Variants in SAMD12 observed in about 807,000 individuals in gnomAD.
SAMD12 encodes the protein sterile alpha motif domain-containing protein 12.
In SAMD12, 9 loss-of-function variants were observed where a neutral mutation model predicts 15.0. The ratio of observed to expected loss-of-function variants is 0.60; its 90% CI spans 0.36 to 1.05. SAMD12 has a LOEUF of 1.05. Ranked by LOEUF, SAMD12 falls within the 50% of genes least tolerant of loss-of-function variation. The pLI, the probability that SAMD12 is intolerant of heterozygous loss-of-function variation, is 0.01. For synonymous variants in SAMD12, 86 were observed against 90.1 expected, an observed-to-expected ratio of 0.96 and a Z score of 0.25; for missense variants, 230 against 234.2, an observed-to-expected ratio of 0.98 and a Z score of 0.12.
At chr8:118,446,389 C>G (rs2130904398) in intron 2 of SAMD12, among the ~76,000 whole-genome samples, 1 of 152,230 alleles carries the variant, frequency 6.6e-6, no homozygotes, top group Non-Finnish European at 1.5e-5. Context: ...GTCCAATCCA[C>G]TTTAAGACAT....
the SAMD12 span, among the ~76,000 whole-genome samples, chr8:118,162,528 G>T: frequency 6.6e-6 from 1 of 151,906 alleles, no homozygotes. Context: ...GAGTTCATTG[G>T]AGACATATTG....
At chr8:118,476,143 A>G (rs1192460284) in intron 2 of SAMD12, among the ~76,000 whole-genome samples, 1 of 152,196 alleles carries the variant, frequency 6.6e-6, no homozygotes, top group East Asian at 1.9e-4. Flanking sequence ...CAGAGTCCAC[A>G]CTTCCTGACC....
the SAMD12 span, among the ~76,000 whole-genome samples, chr8:118,177,536 G>T: frequency 6.6e-6 from 1 of 152,056 alleles, no homozygotes; most frequent in African/African-American, 2.4e-5. Flanking sequence ...GAGCCCCTGT[G>T]CCCAGCCACC....
At chr8:118,510,738 C>T (rs927702680) in intron 2 of SAMD12, among the ~76,000 whole-genome samples, 1 of 152,200 alleles carries the variant, frequency 6.6e-6, no homozygotes, top group Non-Finnish European at 1.5e-5. Context: ...CAGTACCTCT[C>T]TACCCCCTCA....
chr8:118,179,198 G>T, the SAMD12 span, among the ~76,000 whole-genome samples: 118 of 152,242 alleles, frequency 7.8e-4, no homozygotes, highest in African/African-American at 2.7e-3. Context: ...TCCCAGTAGG[G>T]AGGCTGAGGC....
At chr8:118,507,439 C>T (rs577215691) in intron 2 of SAMD12, among the ~76,000 whole-genome samples, 3 of 151,996 alleles carry the variant, frequency 2.0e-5, no homozygotes, top group South Asian at 2.1e-4. Context: ...TATGATGTAC[C>T]GAGCCTGATA....
chr8:118,384,487 G>C (rs1819839204), intron 3 of SAMD12, among the ~76,000 whole-genome samples: 1 of 152,096 alleles, frequency 6.6e-6, no homozygotes, highest in African/African-American at 2.4e-5. Flanking sequence ...ATAAGAAATA[G>C]TAAAACTCTG....
chr8:118,553,805 G>A (rs1445181904), intron 2 of SAMD12, among the ~76,000 whole-genome samples: 2 of 149,642 alleles, frequency 1.3e-5, no homozygotes, highest in East Asian at 3.9e-4. Flanking sequence ...CTAATATCCA[G>A]AATCTACAAT....
rs145198980 is a variant in SAMD12 at position 118,445,115 on chromosome 8, T to G, written c.193-5154A>C. On this transcript the variant is annotated intron_variant, in intron 2 of 3. Coordinates refer to ENST00000314727, the MANE Select transcript of SAMD12 (RefSeq NM_207506.3). Reference sequence around the variant, plus strand: ...TCCCAGTCCTCTCTTTTATTAACTTTTATTGTGTCATTTTACTCAAGATTA... The same window carrying G: ...TCCCAGTCCTCTCTTTTATTAACTTGTATTGTGTCATTTTACTCAAGATTA... Among the ~76,000 whole-genome samples the G allele has an allele frequency of 7.4e-3, 1,130 of 152,292 alleles. 5 individuals carry two copies. Among genetic ancestry groups the G allele is most frequent in the Middle Eastern group, 0.014 (4 of 294 alleles).
intron 4 of SAMD12, among the ~76,000 whole-genome samples, chr8:118,316,444 G>A (rs932016009): frequency 2.6e-5 from 4 of 151,986 alleles, no homozygotes; most frequent in Admixed American, 2.6e-4. Context: ...GCTGAGGCAG[G>A]GGAATTGCTT....
chr8:118,521,971 TAC>T (rs1392653517), intron 2 of SAMD12, among the ~76,000 whole-genome samples: 1 of 152,058 alleles, frequency 6.6e-6, no homozygotes, highest in Non-Finnish European at 1.5e-5. Context: ...CAACAGAAAA[TAC>T]AGTGTGCCAA....
At chr8:118,534,312 G>C (rs565323954) in intron 2 of SAMD12, among the ~76,000 whole-genome samples, 1 of 152,058 alleles carries the variant, frequency 6.6e-6, no homozygotes, top group African/African-American at 2.4e-5. Flanking sequence ...AGAGAGATCC[G>C]CTGTTAGTCT....
chr8:118,304,040 C>A (rs561502526), intron 4 of SAMD12, among the ~76,000 whole-genome samples: 26 of 152,238 alleles, frequency 1.7e-4, no homozygotes, highest in African/African-American at 5.3e-4. Context: ...AGAAATCGAG[C>A]CTTCCTAGTT....
chr8:118,617,402 A>G (rs56978296), intron 1 of SAMD12, among the ~76,000 whole-genome samples: 8,417 of 152,352 alleles, frequency 0.055, 462 homozygotes, highest in African/African-American at 0.14. Flanking sequence ...GAGAAAAAAC[A>G]TAGAACCTGA....
At chr8:118,191,811 TAGAGAGAGAGAGAG>T (rs1187043376) in exon 5 of SAMD12, 3 of 8,152 alleles carry the variant, frequency 3.7e-4, no homozygotes, top group African/African-American at 8.1e-4. Flanking sequence ...TATATATATA[TAGAGAGAGAGAGAG>T]AGAGAGAGAG....
At chr8:118,387,066 C>T (rs1275242940) in intron 3 of SAMD12, among the ~76,000 whole-genome samples, 1 of 152,202 alleles carries the variant, frequency 6.6e-6, no homozygotes, top group African/African-American at 2.4e-5. Flanking sequence ...ATGCACCAAG[C>T]AAATGCCTGT....
chr8:118,247,131 T>C (rs536848547), intron 4 of SAMD12, among the ~76,000 whole-genome samples: 1 of 152,064 alleles, frequency 6.6e-6, no homozygotes, highest in African/African-American at 2.4e-5. Context: ...CTAGAGGACA[T>C]ATGCTAGGTG....
chr8:118,259,783 C>T (rs1264542939), intron 4 of SAMD12, among the ~76,000 whole-genome samples: 1 of 152,020 alleles, frequency 6.6e-6, no homozygotes, highest in Non-Finnish European at 1.5e-5. Context: ...AAGAGATGTC[C>T]TTACTCCCCA....
At chr8:118,454,948 T>C (rs1002723498) in intron 2 of SAMD12, among the ~76,000 whole-genome samples, 2 of 152,238 alleles carry the variant, frequency 1.3e-5, no homozygotes, top group African/African-American at 4.8e-5. Context: ...TTCTTTATGT[T>C]GTGAAAAGTG....
Sources: gnomAD v4.1 joint callset for allele counts (sites outside exome capture counted in the v4.1 genomes callset) on GRCh38, gnomAD v4.1.1 for gene constraint, MANE v1.5 for transcripts, NCBI Gene and HGNC (gene_info 2026-07-23, HGNC 2026-07-21) for gene names.